The following SUCLG2 variants were observed in gnomAD, a reference collection of about 807,000 sequenced individuals.
SUCLG2 encodes succinate--CoA ligase [GDP-forming] subunit beta, mitochondrial.
A neutral mutation model predicts 47.9 loss-of-function variants in SUCLG2; 42 were observed. The ratio of observed to expected loss-of-function variants is 0.88; its 90% CI spans 0.69 to 1.14. The LOEUF is 1.14. SUCLG2 is among the 50% of genes most tolerant of loss of function. The pLI is 0.00. For synonymous variants in SUCLG2, 195 were observed against 197.3 expected (o/e 0.99, Z 0.10); for missense variants, 571 against 525.9 (o/e 1.09, Z -0.84).
chr3:67,550,587 C>T (rs1277322933), intron 2 of SUCLG2, among the ~76,000 whole-genome samples: 1 of 152,130 alleles, frequency 6.6e-6, no homozygotes, highest in East Asian at 1.9e-4. Context: ...ACTTAAGCCT[C>T]CCAAGTGCTG....
chr3:67,424,806 G>A (rs1471880988), intron 9 of SUCLG2, among the ~76,000 whole-genome samples: 2 of 152,052 alleles, frequency 1.3e-5, no homozygotes, highest in African/African-American at 4.8e-5. Flanking sequence ...TTATAGAAGT[G>A]GCAGCAGCAT....
At chr3:67,413,431 C>T (rs953463505) in intron 9 of SUCLG2, among the ~76,000 whole-genome samples, 2 of 152,080 alleles carry the variant, frequency 1.3e-5, no homozygotes, top group Non-Finnish European at 2.9e-5. Flanking sequence ...GAGACAAACT[C>T]GAGAAGATGG....
At chr3:67,570,679 C>A (rs942759954) in intron 2 of SUCLG2, among the ~76,000 whole-genome samples, 4 of 152,156 alleles carry the variant, frequency 2.6e-5, no homozygotes, top group Non-Finnish European at 5.9e-5. Flanking sequence ...CTCGGGTGAG[C>A]TTCCCTGGCT....
chr3:67,584,291 G>A (rs956089864), intron 2 of SUCLG2, among the ~76,000 whole-genome samples: 1 of 152,082 alleles, frequency 6.6e-6, no homozygotes, highest in South Asian at 2.1e-4. Flanking sequence ...AAGGAAGCTC[G>A]ACACAAGAGA....
intron 10 of SUCLG2, among the ~76,000 whole-genome samples, chr3:67,390,765 C>G (rs1702362226): frequency 6.6e-6 from 1 of 151,994 alleles, no homozygotes; most frequent in Non-Finnish European, 1.5e-5. Flanking sequence ...ATTGACAGCT[C>G]TATACAGTCA....
chr3:67,633,801 G>T (rs905513186), intron 1 of SUCLG2, among the ~76,000 whole-genome samples: 1 of 152,040 alleles, frequency 6.6e-6, no homozygotes, highest in Non-Finnish European at 1.5e-5. Flanking sequence ...GCTCAGTGTG[G>T]TTCCTTTCCT....
intron 9 of SUCLG2, among the ~76,000 whole-genome samples, chr3:67,472,853 A>G (rs1174104745): frequency 6.6e-6 from 1 of 151,338 alleles, no homozygotes; most frequent in Non-Finnish European, 1.5e-5. Context: ...TTATAAATGT[A>G]TACTACTAAA....
chr3:67,407,402 G>C (rs1173007255), intron 9 of SUCLG2, among the ~76,000 whole-genome samples: 1 of 152,168 alleles, frequency 6.6e-6, no homozygotes, highest in East Asian at 1.9e-4. Flanking sequence ...CCAGGCAGTA[G>C]TGGTGGCCAA....
intron 6 of SUCLG2, among the ~76,000 whole-genome samples, chr3:67,509,822 T>G (rs146687906): frequency 2.1e-3 from 326 of 152,324 alleles, no homozygotes; most frequent in African/African-American, 7.3e-3. Context: ...CTCGGATTAC[T>G]TGCAGCAGAT....
intron 1 of SUCLG2, among the ~76,000 whole-genome samples, chr3:67,644,616 C>A (rs1303684487): frequency 6.6e-6 from 1 of 151,706 alleles, no homozygotes; most frequent in Non-Finnish European, 1.5e-5. Flanking sequence ...GTTAAAATGG[C>A]AAAATGATAA....
intron 9 of SUCLG2, among the ~76,000 whole-genome samples, chr3:67,422,134 C>T (rs1312827842): frequency 6.6e-6 from 1 of 151,962 alleles, no homozygotes; most frequent in Non-Finnish European, 1.5e-5. Context: ...TTCTTTCACC[C>T]TAAATAGCTC....
chr3:67,399,675 C>G (rs916373738), intron 10 of SUCLG2, among the ~76,000 whole-genome samples: 3 of 152,102 alleles, frequency 2.0e-5, no homozygotes, highest in African/African-American at 7.2e-5. Flanking sequence ...TGCATAATCA[C>G]AAATTTTCTG....
intron 9 of SUCLG2, among the ~76,000 whole-genome samples, chr3:67,486,914 A>G (rs1208695260): frequency 6.6e-6 from 1 of 152,204 alleles, no homozygotes; most frequent in Non-Finnish European, 1.5e-5. Context: ...GCCTTGAATG[A>G]CCTTGAAAGT....
Position 67,591,048 on chromosome 3 carries a change from G to C in SUCLG2, c.226+18407C>G, listed in dbSNP as rs144319611. Reference sequence around the variant, plus strand: ...CTATTGAATACTGACATGTTTTCCAGGAAAAGTACATAATATACACTAATG... The same window carrying C: ...CTATTGAATACTGACATGTTTTCCACGAAAAGTACATAATATACACTAATG... On this transcript the variant is annotated intron_variant, in intron 2 of 10. Coordinates refer to ENST00000307227, the MANE Select transcript of SUCLG2 (RefSeq NM_003848.4). Among the ~76,000 whole-genome samples the C allele has an allele frequency of 6.5e-3, 987 of 152,230 alleles. 5 individuals carry two copies. Among genetic ancestry groups the C allele is most frequent in the Non-Finnish European group, 9.6e-3 (654 of 68,022 alleles).
chr3:67,536,813 G>A (rs1362193184), intron 2 of SUCLG2, among the ~76,000 whole-genome samples: 6 of 152,178 alleles, frequency 3.9e-5, no homozygotes, highest in African/African-American at 9.7e-5. Flanking sequence ...AGGCAATTAG[G>A]AGGGCCATCT....
chr3:67,489,069 G>C (rs1032092431), intron 9 of SUCLG2, among the ~76,000 whole-genome samples: 3 of 152,112 alleles, frequency 2.0e-5, no homozygotes, highest in African/African-American at 7.2e-5. Context: ...TAGATTTTGA[G>C]TGTTCTATTA....
intron 2 of SUCLG2, among the ~76,000 whole-genome samples, chr3:67,563,444 G>C (rs1408662707): frequency 6.6e-6 from 1 of 152,184 alleles, no homozygotes; most frequent in Non-Finnish European, 1.5e-5. Context: ...ATGAGACAGT[G>C]AGGATGTGTA....
At chr3:67,564,248 C>T (rs566820855) in intron 2 of SUCLG2, among the ~76,000 whole-genome samples, 1 of 152,308 alleles carries the variant, frequency 6.6e-6, no homozygotes, top group African/African-American at 2.4e-5. Context: ...GGAAGATTAT[C>T]TCCAAAGTAC....
At chr3:67,645,384 C>T (rs1351626836) in intron 1 of SUCLG2, among the ~76,000 whole-genome samples, 11 of 152,232 alleles carry the variant, frequency 7.2e-5, no homozygotes, top group South Asian at 4.2e-4. Context: ...GGCCCACCCT[C>T]GCTTAGGACA....
Sources: allele counts gnomAD v4.1 joint callset (sites outside exome capture counted in the v4.1 genomes callset), GRCh38; gene constraint gnomAD v4.1.1; transcripts MANE v1.5; gene names NCBI Gene and HGNC (gene_info 2026-07-23, HGNC 2026-07-21).